The following PPP1R13B variants were observed in gnomAD, a reference collection of about 807,000 sequenced individuals.
The protein encoded by PPP1R13B is apoptosis-stimulating of p53 protein 1.
Under a neutral mutation model 119.8 loss-of-function variants are expected in PPP1R13B, and 44 were observed. The ratio of observed to expected loss-of-function variants is 0.37; its 90% CI spans 0.29 to 0.47. PPP1R13B has a LOEUF of 0.47. Among genes scored for constraint, PPP1R13B ranks in the 20% least tolerant of loss-of-function variants. The pLI, the probability that PPP1R13B is intolerant of heterozygous loss-of-function variation, is 0.99. For synonymous variants in PPP1R13B, 542 were observed against 561.5 expected (o/e 0.97, Z 0.49); for missense variants, 1,227 against 1,413.5 (o/e 0.87, Z 2.12).
chr14:103,764,881 G>A (rs1176240691), intron 4 of PPP1R13B, among the ~76,000 whole-genome samples: 1 of 151,902 alleles, frequency 6.6e-6, no homozygotes, highest in African/African-American at 2.4e-5. Context: ...CTGCAGTGGC[G>A]GATCTCGGCT....
chr14:103,748,082 C>T (rs1237207498), intron 8 of PPP1R13B, among the ~76,000 whole-genome samples: 2 of 141,130 alleles, frequency 1.4e-5, no homozygotes, highest in African/African-American at 6.1e-5. Context: ...CACACACACA[C>T]ACACACACAC....
chr14:103,785,126 G>C (rs1002352165), intron 2 of PPP1R13B, among the ~76,000 whole-genome samples: 1 of 152,286 alleles, frequency 6.6e-6, no homozygotes, highest in South Asian at 2.1e-4. Flanking sequence ...AACACAAAAA[G>C]TATCCACGAA....
chr14:103,820,377 T>C (rs1291765251), intron 1 of PPP1R13B, among the ~76,000 whole-genome samples: 1 of 152,128 alleles, frequency 6.6e-6, no homozygotes, highest in Non-Finnish European at 1.5e-5. Context: ...GCAAAATCAT[T>C]TTCTCTCTCT....
At chr14:103,846,426 TA>T (rs1003529391) in intron 1 of PPP1R13B, among the ~76,000 whole-genome samples, 1 of 152,164 alleles carries the variant, frequency 6.6e-6, no homozygotes, top group African/African-American at 2.4e-5. Flanking sequence ...TATTGTAGGT[TA>T]AAAAAATGAC....
Position 103,740,141 on chromosome 14 carries a change from C to G in PPP1R13B, c.2275G>C (p.Asp759His). 1 of 1,613,526 alleles carries G rather than the reference C, an allele frequency of 6.2e-7. No individual in the cohort carries two copies. Among genetic ancestry groups the G allele is most frequent in the Non-Finnish European group, 8.5e-7 (1 of 1,180,038 alleles). The change falls in exon 12 of 17, where the codon GAC becomes CAC. Residue 759 changes from aspartate (D) to histidine (H), a missense_variant. By Grantham distance (81) the Asp-to-His change is moderately conservative. Transcript: ENST00000202556. This position sits in a 1 kb window ranked among gnomAD's most constrained non-coding sequence, Gnocchi z 4.6. Reference sequence around the variant, plus strand: ...CCATTGGCATTGGTGTTTCCATTGTCCACATCGGCCAAGGTGCCCATGAAG... The same window carrying G: ...CCATTGGCATTGGTGTTTCCATTGTGCACATCGGCCAAGGTGCCCATGAAG... ...QDFMGTLADV[D>H]NGNTNANGNL...
At chr14:103,802,766 G>C (rs2085930608) in intron 1 of PPP1R13B, among the ~76,000 whole-genome samples, 1 of 152,136 alleles carries the variant, frequency 6.6e-6, no homozygotes, top group Non-Finnish European at 1.5e-5. Context: ...TCAATATGAT[G>C]AGGGAGGGGG....
chr14:103,812,973 C>T (rs908574076), intron 1 of PPP1R13B, among the ~76,000 whole-genome samples: 2 of 152,190 alleles, frequency 1.3e-5, no homozygotes, highest in African/African-American at 4.8e-5. Context: ...AATGGTACAG[C>T]CATGTTGGAA....
At chr14:103,778,418 T>C (rs575783429) in intron 4 of PPP1R13B, among the ~76,000 whole-genome samples, 42 of 152,024 alleles carry the variant, frequency 2.8e-4, no homozygotes, top group Middle Eastern at 6.8e-3. Context: ...CATGCCACCA[T>C]GCCTGGCTAA....
intron 1 of PPP1R13B, chr14:103,818,584 G>T: frequency 1.4e-6 from 1 of 724,138 alleles, no homozygotes; most frequent in Non-Finnish European, 1.7e-6. Flanking sequence ...ACATCAACTG[G>T]GATGGCCTTC....
chr14:103,742,589 A>T lies in PPP1R13B; in HGVS notation c.1320+65T>A. ...GACAAGTCATACCCTTTAGCTTAGT[A>T]CTAAGGCAGAAGAGAGCCCTGTTGA... On this transcript the variant is annotated intron_variant, in intron 10 of 16. Transcript: ENST00000202556. The surrounding 1 kb of genome is among the most constrained non-coding windows in gnomAD (Gnocchi z 4.9). The T allele has an allele frequency of 1.3e-6, 2 of 1,563,324 alleles. No homozygotes were observed. The highest frequency in any genetic ancestry group is 2.4e-5 in the South Asian group (2 of 83,994).
chr14:103,823,766 A>G (rs1375244866), intron 1 of PPP1R13B, among the ~76,000 whole-genome samples: 1 of 152,154 alleles, frequency 6.6e-6, no homozygotes, highest in Non-Finnish European at 1.5e-5. Context: ...ACAACTTTCA[A>G]GCCTGCCAGA....
At chr14:103,818,092 A>C (rs1157082013) in intron 1 of PPP1R13B, among the ~76,000 whole-genome samples, 1 of 152,246 alleles carries the variant, frequency 6.6e-6, no homozygotes, top group Non-Finnish European at 1.5e-5. Context: ...TGTGACATAA[A>C]AGGATGAATT....
intron 2 of PPP1R13B, among the ~76,000 whole-genome samples, chr14:103,787,804 C>T (rs568721802): frequency 1.9e-4 from 29 of 152,046 alleles, no homozygotes; most frequent in African/African-American, 7.0e-4. Context: ...CAGGTGTGCA[C>T]CACCTACGCC....
Position 103,738,708 on chromosome 14 carries a change from G to A in PPP1R13B, c.2835C>T (p.Val945=). 1 of 1,614,230 alleles carries A rather than the reference G, an allele frequency of 6.2e-7. No homozygotes were observed. ...CATCACTATCAGCAGCATTCACGTT[G>A]ACACCAAAATCCAGCAGGAACTTCA... ...HIVKFLLDFG[V]NVNAADSDGW... Residue 945 remains valine (V), a synonymous_variant, in exon 14 of 17, where the codon GTC becomes GTT. Coordinates refer to ENST00000202556, the MANE Select transcript of PPP1R13B (RefSeq NM_015316.3). The surrounding 1 kb of genome is among the most constrained non-coding windows in gnomAD (Gnocchi z 5.6).
At chr14:103,807,655 C>T (rs890493616) in intron 1 of PPP1R13B, among the ~76,000 whole-genome samples, 5 of 151,986 alleles carry the variant, frequency 3.3e-5, no homozygotes, top group Admixed American at 2.0e-4. Flanking sequence ...CCACCACGCC[C>T]GGCTAATTTT....
Position 103,820,491 on chromosome 14 carries a change from CT to C in PPP1R13B, c.10-22974del, listed in dbSNP as rs748580102. 4.6e-3 allele frequency among the ~76,000 whole-genome samples: 657 copies of C among 142,008 alleles called. 1 individual carries two copies. Among genetic ancestry groups the C allele is most frequent in the Middle Eastern group, 7.2e-3 (2 of 276 alleles). 93.2% of individuals were successfully genotyped at this position (142,008 alleles called of 152,430 possible). A position where few individuals can be genotyped will look rare whatever the true frequency, so the allele number is the denominator to read the frequency against. ...CATTCAATAAACATTCACATTAGTC[CT>C]TTTTTTTTTTTTAATAGACAGGGTC... On this transcript the variant is annotated intron_variant, in intron 1 of 16. Transcript: ENST00000202556.
intron 16 of PPP1R13B, 111 bp from the exon 17 acceptor site, chr14:103,735,306 C>A: frequency 9.9e-7 from 1 of 1,006,302 alleles, no homozygotes; most frequent in Non-Finnish European, 1.6e-6. Flanking sequence ...CGTGCAGCAC[C>A]CTTGTCCCTC....
chr14:103,765,986 T>TTTTTTATTATTATTA (rs141588292), intron 4 of PPP1R13B, among the ~76,000 whole-genome samples: 81 of 139,054 alleles, frequency 5.8e-4, no homozygotes, highest in African/African-American at 1.9e-3. Context: ...AAATTTTTAT[T>TTTTTTATTATTATTA]TTATTATTAT....
At chr14:103,797,093 G>C (rs1024496771) in intron 2 of PPP1R13B, among the ~76,000 whole-genome samples, 1 of 140,556 alleles carries the variant, frequency 7.1e-6, no homozygotes, top group African/African-American at 2.6e-5. Context: ...GTGAGATACT[G>C]TCTCAAAAAA....
Sources: gnomAD v4.1 joint callset for allele counts (sites outside exome capture counted in the v4.1 genomes callset) on GRCh38, gnomAD v4.1.1 for gene constraint, Gnocchi (gnomAD v3.1) non-coding constraint, MANE v1.5 for transcripts, NCBI Gene and HGNC (gene_info 2026-07-23, HGNC 2026-07-21) for gene names.